NDEL1: variants seen among roughly 807,000 people sequenced by gnomAD.
NDEL1 encodes nudE neurodevelopment protein 1 like 1.
A neutral mutation model predicts 45.7 loss-of-function variants in NDEL1; 9 were observed. That is an observed-to-expected ratio of 0.20 (90% CI 0.12 to 0.34). The LOEUF is 0.34. Ranked by LOEUF, NDEL1 falls within the 10% of genes least tolerant of loss-of-function variation. The pLI is 1.00. For synonymous variants in NDEL1, 133 were observed against 158.6 expected (o/e 0.84, Z 1.21); for missense variants, 306 against 406.2 (o/e 0.75, Z 2.12).
intron 1 of NDEL1, among the ~76,000 whole-genome samples, chr17:8,423,728 G>T (rs981193933): frequency 1.3e-5 from 2 of 152,052 alleles, no homozygotes; most frequent in Non-Finnish European, 2.9e-5. Flanking sequence ...AATTGTACAT[G>T]ACAACATACA....
At chr17:8,456,402 GC>G (rs1192823992) in intron 7 of NDEL1, among the ~76,000 whole-genome samples, 2 of 150,730 alleles carry the variant, frequency 1.3e-5, no homozygotes, top group African/African-American at 2.4e-5. Context: ...TCAACTTTAA[GC>G]AAAGATATTT....
intron 7 of NDEL1, among the ~76,000 whole-genome samples, chr17:8,455,616 G>A (rs544563467): frequency 2.4e-4 from 36 of 151,476 alleles, no homozygotes; most frequent in African/African-American, 7.5e-4. Context: ...GAACCCAGGA[G>A]GCGGAGGTTG....
Position 8,445,708 on chromosome 17 carries a change from T to G in NDEL1, c.87-3T>G. On this transcript the variant is annotated splice_polypyrimidine_tract_variant and splice_region_variant and intron_variant, in intron 2 of 8. Coordinates refer to ENST00000334527, the MANE Select transcript of NDEL1 (RefSeq NM_030808.5). ...TCGTCTTTCCCACTTTGTTTCTGATTAGCTTCCAGGAAGCTCGGGATGAGC... is the reference window on the plus strand; with the variant it reads ...TCGTCTTTCCCACTTTGTTTCTGATGAGCTTCCAGGAAGCTCGGGATGAGC... The G allele has an allele frequency of 6.3e-7, 1 of 1,590,654 alleles. No homozygotes were observed. The highest frequency in any genetic ancestry group is 8.5e-7 in the Non-Finnish European group (1 of 1,172,018).
At chr17:8,455,641 C>T (rs556031842) in intron 7 of NDEL1, among the ~76,000 whole-genome samples, 74 of 140,262 alleles carry the variant, frequency 5.3e-4, no homozygotes, top group Non-Finnish European at 7.2e-4. Flanking sequence ...GAGCCGAGAT[C>T]GAGCCACTGC....
At chr17:8,418,568 G>A (rs1908607990) in intron 1 of NDEL1, among the ~76,000 whole-genome samples, 1 of 152,152 alleles carries the variant, frequency 6.6e-6, no homozygotes, top group African/African-American at 2.4e-5. Flanking sequence ...TTCTACTAGG[G>A]CAGGACGACT....
chr17:8,469,861 A>ATTTTTTTTTT (rs762773754), downstream of NDEL1, among the ~76,000 whole-genome samples: 2 of 128,650 alleles, frequency 1.6e-5, no homozygotes, highest in Non-Finnish European at 3.2e-5. Flanking sequence ...TGCCTGGCTA[A>ATTTTTTTTTT]TTTTTTTTTT....
At position 8,450,878 on chromosome 17, in the gene NDEL1, G is replaced by A. The variant is rs764833742; in HGVS notation, c.625G>A (p.Ala209Thr). 3.7e-6 allele frequency: 6 copies of A among 1,613,376 alleles called. No homozygotes were observed. Among genetic ancestry groups the A allele is most frequent in the Admixed American group, 1.7e-5 (1 of 59,846 alleles). The change falls in exon 6 of 9, where the codon GCC becomes ACC. Residue 209 changes from alanine to threonine, a missense_variant. Physicochemically the swap from Ala to Thr is moderately conservative, Grantham distance 58. Coordinates refer to ENST00000334527, the MANE Select transcript of NDEL1 (RefSeq NM_030808.5). ...TCTAGACTGTGAAAAGATGGACTCC[G>A]CCGTCCAAGCATCACTTTCTTTGCC... is the stretch of plus-strand genomic sequence containing the variant. ...PTLDCEKMDS[A>T]VQASLSLPAT...
At chr17:8,444,905 G>A (rs1027118498) in intron 2 of NDEL1, 42 of 152,094 alleles carry the variant, frequency 2.8e-4, no homozygotes, top group African/African-American at 1.0e-3. Context: ...TTTAAAAATG[G>A]GATCTTGCTA....
At chr17:8,463,880 G>A (rs1911409018) in intron 8 of NDEL1, among the ~76,000 whole-genome samples, 2 of 152,246 alleles carry the variant, frequency 1.3e-5, no homozygotes, top group Non-Finnish European at 2.9e-5. Flanking sequence ...AGTTTGCAGA[G>A]CCTGGGCTGA....
At position 8,429,703 on chromosome 17, in the gene NDEL1, G is replaced by A. The variant is rs114215418; in HGVS notation, c.-12-14557G>A. ...AGAGGTGATCCATAGGATATAGACC[G>A]TAGAAGTGGGCTGGAGTTGCTTTGG... On this transcript the variant is annotated intron_variant, in intron 1 of 4. Transcript: ENST00000582812. Among the ~76,000 whole-genome samples, 526 of 152,220 alleles carry A rather than the reference G, an allele frequency of 3.5e-3. 7 individuals are homozygous for A. The highest frequency in any genetic ancestry group is 0.012 in the African/African-American group (489 of 41,522).
rs1423310561 is a variant in NDEL1, at chr17:8,445,844, T to C, written c.220T>C (p.Tyr74His). The C allele has an allele frequency of 6.4e-7, 1 of 1,550,828 alleles. No homozygotes were observed. The highest frequency in any genetic ancestry group is 8.7e-7 in the Non-Finnish European group (1 of 1,154,184). ...DLQADNQRLK[Y>H]EVEALKEKLE... ...GCAGGCTGATAACCAAAGACTGAAA[T>C]ATGAAGTGGAGGCATTAAAGGTAAT... The change falls in exon 3 of 9, where the codon TAT (tyrosine) becomes CAT (histidine). Residue 74 changes from tyrosine to histidine, a missense_variant. Physicochemically the swap from Tyr to His is moderately conservative, Grantham distance 83 (BLOSUM62 2). Coordinates refer to ENST00000334527, the MANE Select transcript of NDEL1 (RefSeq NM_030808.5).
upstream of NDEL1, chr17:8,435,790 G>GCCCC: frequency 8.1e-6 from 3 of 371,040 alleles, no homozygotes; most frequent in Admixed American, 6.4e-5. Context: ...TGTGACACCA[G>GCCCC]CCCCGCCCCA....
chr17:8,436,356 T>A (rs564559888), intron 1 of NDEL1: 1 of 156,456 alleles, frequency 6.4e-6, no homozygotes, highest in African/African-American at 2.4e-5. Context: ...CGTGGCACCG[T>A]GGGCTGGGGC....
chr17:8,438,594 C>T (rs1909509962), intron 1 of NDEL1, among the ~76,000 whole-genome samples: 2 of 151,990 alleles, frequency 1.3e-5, no homozygotes, highest in Admixed American at 1.3e-4. Flanking sequence ...CAGCTTACTG[C>T]AGCCTCAACT....
Position 8,450,761 on chromosome 17 carries a change from T to C in NDEL1, c.527-19T>C. The C allele has an allele frequency of 6.3e-7, 1 of 1,596,350 alleles. No individual in the cohort carries two copies. Among genetic ancestry groups the C allele is most frequent in the Non-Finnish European group, 8.5e-7 (1 of 1,173,656 alleles). On this transcript the variant is annotated intron_variant, in intron 5 of 8. Transcript: ENST00000334527. ...TCCCTCTAGTGAGTATTCCTGCCCTTGTTTGCAATATTTTACAGATTTAAG... is the reference window on the plus strand; with the variant it reads ...TCCCTCTAGTGAGTATTCCTGCCCTCGTTTGCAATATTTTACAGATTTAAG...
At chr17:8,444,608 G>C (rs1027375) in intron 2 of NDEL1, 355,382 of 360,452 alleles carry the variant, frequency 0.99, 175,409 homozygotes, top group East Asian at 1. Context: ...ATTGTTACCT[G>C]TTCTATGCTT....
At chr17:8,456,011 T>G (rs547766660) in intron 7 of NDEL1, among the ~76,000 whole-genome samples, 7 of 152,350 alleles carry the variant, frequency 4.6e-5, no homozygotes, top group Admixed American at 1.3e-4. Flanking sequence ...ACTATTTCCC[T>G]TAGTGAGTTT....
chr17:8,450,736 T>C (rs759937966), intron 5 of NDEL1, 44 bp from the exon 6 acceptor site: 16 of 1,524,938 alleles, frequency 1.0e-5, no homozygotes, highest in Non-Finnish European at 8.8e-7. Flanking sequence ...ATATATTTGC[T>C]CCCTCTAGTG....
At chr17:8,449,696 G>T (rs1181562622) in intron 5 of NDEL1, among the ~76,000 whole-genome samples, 1 of 152,172 alleles carries the variant, frequency 6.6e-6, no homozygotes, top group African/African-American at 2.4e-5. Context: ...GTTTATCCAT[G>T]TGTAGTATGT....
Sources: allele counts gnomAD v4.1 joint callset (sites outside exome capture counted in the v4.1 genomes callset), GRCh38; gene constraint gnomAD v4.1.1; transcripts MANE v1.5; gene names NCBI Gene and HGNC (gene_info 2026-07-23, HGNC 2026-07-21).